Variants in RASAL2 observed in about 807,000 individuals in gnomAD.
RASAL2 encodes ras GTPase-activating protein nGAP.
RASAL2 carries 58 observed loss-of-function variants against 128.9 expected under a neutral mutation model. The ratio of observed to expected loss-of-function variants is 0.45; its 90% CI spans 0.36 to 0.56. The LOEUF (loss-of-function observed/expected upper bound fraction) is 0.56. Ranked by LOEUF, RASAL2 falls within the 20% of genes least tolerant of loss-of-function variation. The pLI is 0.00. For synonymous variants in RASAL2, 561 were observed against 580.8 expected, an observed-to-expected ratio of 0.97 and a Z score of 0.49; for missense variants, 1,360 against 1,601.6, an observed-to-expected ratio of 0.85 and a Z score of 2.57.
chr1:178,234,667 A>G (rs1353217464), intron 1 of RASAL2, among the ~76,000 whole-genome samples: 1 of 152,176 alleles, frequency 6.6e-6, no homozygotes, highest in Non-Finnish European at 1.5e-5. Context: ...TGTTTTTTAA[A>G]AAACCTTAGC....
intron 1 of RASAL2, among the ~76,000 whole-genome samples, chr1:178,120,214 G>A (rs977205575): frequency 1.3e-5 from 2 of 152,232 alleles, no homozygotes; most frequent in African/African-American, 4.8e-5. Flanking sequence ...GTGGCTTGGA[G>A]AATGTGAATC....
intron 1 of RASAL2, among the ~76,000 whole-genome samples, chr1:178,217,786 T>C (rs1449934147): frequency 6.6e-6 from 1 of 152,190 alleles, no homozygotes; most frequent in East Asian, 1.9e-4. Context: ...TTGCTGAACA[T>C]GGGGATGGCT....
chr1:178,436,098 A>G (rs1405971283), intron 5 of RASAL2, among the ~76,000 whole-genome samples: 1 of 152,052 alleles, frequency 6.6e-6, no homozygotes, highest in Non-Finnish European at 1.5e-5. Flanking sequence ...TACTAATGCT[A>G]TTACATTGAA....
intron 5 of RASAL2, among the ~76,000 whole-genome samples, chr1:178,426,583 G>A (rs1398665129): frequency 1.3e-5 from 2 of 151,196 alleles, no homozygotes; most frequent in South Asian, 2.1e-4. Flanking sequence ...TTATATCATC[G>A]TGACATATCT....
At chr1:178,332,618 T>C (rs866869453) in intron 3 of RASAL2, among the ~76,000 whole-genome samples, 1 of 151,342 alleles carries the variant, frequency 6.6e-6, no homozygotes, top group Non-Finnish European at 1.5e-5. Context: ...CAATTCTTTT[T>C]TTTTTTTTTT....
chr1:178,306,228 T>C (rs375515311), intron 3 of RASAL2, among the ~76,000 whole-genome samples: 25 of 152,270 alleles, frequency 1.6e-4, no homozygotes, highest in East Asian at 1.2e-3. Flanking sequence ...GACATGAACT[T>C]ATCATTTTTT....
At chr1:178,369,124 A>G (rs1221297190) in intron 3 of RASAL2, among the ~76,000 whole-genome samples, 1 of 152,168 alleles carries the variant, frequency 6.6e-6, no homozygotes, top group African/African-American at 2.4e-5. Flanking sequence ...ATATTATGAC[A>G]AAATTTCAAT....
intron 3 of RASAL2, among the ~76,000 whole-genome samples, chr1:178,327,795 T>C (rs1358168408): frequency 3.9e-5 from 6 of 152,066 alleles, no homozygotes; most frequent in African/African-American, 1.2e-4. Context: ...ATTAAAAATC[T>C]CAAGATAAGA....
intron 1 of RASAL2, among the ~76,000 whole-genome samples, chr1:178,098,185 G>T (rs1209558865): frequency 2.0e-5 from 3 of 152,140 alleles, no homozygotes; most frequent in African/African-American, 7.2e-5. Context: ...CCCCTTCATT[G>T]TCAACTTGTC....
chr1:178,246,153 T>G (rs993707818), intron 1 of RASAL2, among the ~76,000 whole-genome samples: 3 of 152,214 alleles, frequency 2.0e-5, no homozygotes, highest in South Asian at 2.1e-4. Context: ...TAAATTACTT[T>G]GGGCAGTATG....
intron 4 of RASAL2, among the ~76,000 whole-genome samples, chr1:178,417,008 G>T (rs1674804028): frequency 1.4e-5 from 2 of 145,164 alleles, no homozygotes; most frequent in Admixed American, 7.0e-5. Context: ...TATGCTGCTT[G>T]GTATTCTCAG....
intron 3 of RASAL2, among the ~76,000 whole-genome samples, chr1:178,374,803 G>T (rs894602014): frequency 6.6e-6 from 1 of 152,096 alleles, no homozygotes; most frequent in Non-Finnish European, 1.5e-5. Context: ...TCTGTCAGCA[G>T]TGTTCAAACT....
At chr1:178,102,848 T>G (rs2102225420) in intron 1 of RASAL2, among the ~76,000 whole-genome samples, 1 of 152,288 alleles carries the variant, frequency 6.6e-6, no homozygotes, top group South Asian at 2.1e-4. Flanking sequence ...AATAAATACT[T>G]GAAATTGTTA....
intron 4 of RASAL2, among the ~76,000 whole-genome samples, chr1:178,402,302 A>G (rs1328684242): frequency 6.6e-6 from 1 of 152,012 alleles, no homozygotes; most frequent in East Asian, 1.9e-4. Context: ...CTGTAGTCCC[A>G]GCTACTCGGG....
chr1:178,196,758 T>C (rs1205854424), intron 1 of RASAL2, among the ~76,000 whole-genome samples: 2 of 152,198 alleles, frequency 1.3e-5, no homozygotes, highest in Non-Finnish European at 2.9e-5. Context: ...AAGGGATGAC[T>C]GTAAAAGACT....
chr1:178,288,634 TTC>T (rs1487074112), intron 2 of RASAL2, among the ~76,000 whole-genome samples: 1 of 147,432 alleles, frequency 6.8e-6, no homozygotes, highest in African/African-American at 2.6e-5. Flanking sequence ...ATGCTATTCT[TTC>T]TCTCTCTTTT....
At chr1:178,125,309 CACT>C (rs1659856662) in intron 1 of RASAL2, 2 of 152,102 alleles carry the variant, frequency 1.3e-5, no homozygotes, top group African/African-American at 4.8e-5. Flanking sequence ...AAGTTTCTTT[CACT>C]AAATTATTTC....
chr1:178,225,432 G>A (rs1333530721), intron 1 of RASAL2, among the ~76,000 whole-genome samples: 3 of 151,720 alleles, frequency 2.0e-5, no homozygotes, highest in Non-Finnish European at 4.4e-5. Flanking sequence ...AATAAAAGTA[G>A]GATCATGGTC....
At chr1:178,360,952 C>A (rs774184489) in intron 3 of RASAL2, among the ~76,000 whole-genome samples, 2 of 152,078 alleles carry the variant, frequency 1.3e-5, no homozygotes, top group Non-Finnish European at 2.9e-5. Context: ...CCATGTATGT[C>A]ATTTATGAAT....
Sources: allele counts gnomAD v4.1 joint callset (sites outside exome capture counted in the v4.1 genomes callset), GRCh38; gene constraint gnomAD v4.1.1; transcripts MANE v1.5; gene names NCBI Gene and HGNC (gene_info 2026-07-23, HGNC 2026-07-21).